RCOR3: variants seen among roughly 807,000 people sequenced by gnomAD.
RCOR3 encodes the protein REST corepressor 3.
RCOR3 carries 13 observed loss-of-function variants against 64.1 expected under a neutral mutation model. The observed-to-expected ratio is 0.20, with a 90% confidence interval of 0.13 to 0.32. RCOR3 has a LOEUF of 0.32. RCOR3 is among the 10% of genes least tolerant of loss of function. RCOR3 has a pLI of 1.00. For missense variants in RCOR3, 489 were observed against 701.2 expected (o/e 0.70, Z 3.42); for synonymous variants, 215 against 239.0 (o/e 0.90, Z 0.93).
intron 10 of RCOR3, among the ~76,000 whole-genome samples, chr1:211,309,249 C>G (rs1701254387): frequency 6.6e-6 from 1 of 152,100 alleles, no homozygotes; most frequent in Non-Finnish European, 1.5e-5. Flanking sequence ...CAGATAATGG[C>G]TATGCTAAAG....
In RCOR3 at chr1:211,314,068, T is replaced by G. The variant is rs979931340; in HGVS notation, c.*300T>G. The G allele has an allele frequency of 3.6e-6, 1 of 275,404 alleles. No homozygotes were observed. The highest frequency in any genetic ancestry group is 2.2e-5 in the African/African-American group (1 of 45,358). The allele number at this position is 275,404 out of a possible 1,614,324, so 17.1% of individuals were successfully genotyped here. On this transcript the variant is annotated 3_prime_UTR_variant, in exon 12 of 12. Transcript: ENST00000419091. ...TCTATATACCAAGTTTTTGTTTTGT[T>G]TTTACTGTATTTATTTTATTGAGGT... is the stretch of plus-strand genomic sequence containing the variant.
At chr1:211,298,864 A>G (rs1320316448) in intron 9 of RCOR3, among the ~76,000 whole-genome samples, 1 of 152,118 alleles carries the variant, frequency 6.6e-6, no homozygotes, top group African/African-American at 2.4e-5. Flanking sequence ...AAAATTAGCC[A>G]GGCGTGGTGG....
intron 9 of RCOR3, 65 bp downstream of exon 9, chr1:211,295,818 C>A: frequency 8.0e-7 from 1 of 1,255,246 alleles, no homozygotes; most frequent in Non-Finnish European, 1.2e-6. Context: ...TTATCTAGTG[C>A]CCAAGTACTA....
chr1:211,264,760 G>T (rs367598346), intron 2 of RCOR3, among the ~76,000 whole-genome samples: 1 of 152,288 alleles, frequency 6.6e-6, no homozygotes, highest in South Asian at 2.1e-4. Context: ...AATTACTGAA[G>T]TTAAGAGATT....
At chr1:211,269,186 G>A (rs1695741285) in intron 2 of RCOR3, among the ~76,000 whole-genome samples, 1 of 152,052 alleles carries the variant, frequency 6.6e-6, no homozygotes, top group South Asian at 2.1e-4. Context: ...TTTATGAGCC[G>A]GGTGCAGTGG....
chr1:211,270,548 C>CAA (rs11422589), intron 2 of RCOR3, among the ~76,000 whole-genome samples: 8,591 of 147,880 alleles, frequency 0.058, 424 homozygotes, highest in East Asian at 0.26. Context: ...AGACATGGGG[C>CAA]AAAAAAAAAA....
chr1:211,300,776 G>A (rs1412148168), intron 9 of RCOR3, among the ~76,000 whole-genome samples: 1 of 152,154 alleles, frequency 6.6e-6, no homozygotes, highest in Non-Finnish European at 1.5e-5. Context: ...CTTACACTCC[G>A]TTTATTGAAT....
At chr1:211,261,854 G>T (rs927113050) in intron 2 of RCOR3, among the ~76,000 whole-genome samples, 2 of 132,672 alleles carry the variant, frequency 1.5e-5, no homozygotes, top group African/African-American at 5.6e-5. Context: ...AACCCGGGAG[G>T]CGGAGGTTGC....
chr1:211,314,066 G>T lies in RCOR3; in HGVS notation c.*298G>T. 1 of 279,984 alleles carries T rather than the reference G, an allele frequency of 3.6e-6. No individual in the cohort carries two copies. Among genetic ancestry groups the T allele is most frequent in the South Asian group, 7.0e-5 (1 of 14,212 alleles). 17.3% of individuals were successfully genotyped at this position (279,984 alleles called of 1,614,324 possible). On this transcript the variant is annotated 3_prime_UTR_variant, in exon 12 of 12. Transcript: ENST00000419091. ...ATTCTATATACCAAGTTTTTGTTTTGTTTTTACTGTATTTATTTTATTGAG... is the reference window on the plus strand; with the variant it reads ...ATTCTATATACCAAGTTTTTGTTTTTTTTTTACTGTATTTATTTTATTGAG...
intron 2 of RCOR3, among the ~76,000 whole-genome samples, chr1:211,268,799 C>A (rs780396244): frequency 2.0e-5 from 3 of 152,078 alleles, no homozygotes. Flanking sequence ...AAAAGGCTTT[C>A]GAATACTTTG....
chr1:211,289,018 ATGTGTG>A (rs571215791), intron 7 of RCOR3, among the ~76,000 whole-genome samples, 154 bp from the exon 8 acceptor site: 1 of 151,838 alleles, frequency 6.6e-6, no homozygotes, highest in East Asian at 1.9e-4. Context: ...GGTGAGTGTT[ATGTGTG>A]TGTGTGTATG....
At chr1:211,273,614 A>G (rs914392045) in intron 3 of RCOR3, among the ~76,000 whole-genome samples, 7 of 152,196 alleles carry the variant, frequency 4.6e-5, no homozygotes, top group African/African-American at 1.4e-4. Flanking sequence ...GCTTATCTAA[A>G]TAATTCTGTT....
chr1:211,259,772 C>T, intron 1 of RCOR3, 46 bp downstream of exon 1: 1 of 1,384,344 alleles, frequency 7.2e-7, no homozygotes, highest in Non-Finnish European at 9.5e-7. Flanking sequence ...GCCCCCCTCC[C>T]TCTTCCCCTC....
intron 5 of RCOR3, among the ~76,000 whole-genome samples, chr1:211,277,302 A>G (rs944403876): frequency 6.6e-6 from 1 of 151,890 alleles, no homozygotes; most frequent in African/African-American, 2.4e-5. Context: ...ATTAGATAAT[A>G]TTTGCAAATA....
chr1:211,300,872 G>T (rs1700305156), intron 9 of RCOR3, among the ~76,000 whole-genome samples: 2 of 152,158 alleles, frequency 1.3e-5, no homozygotes, highest in Middle Eastern at 6.8e-3. Context: ...TGCCTTCTGT[G>T]TGTCTCTTTG....
At chr1:211,297,089 A>G (rs1699926275) in intron 9 of RCOR3, among the ~76,000 whole-genome samples, 1 of 152,148 alleles carries the variant, frequency 6.6e-6, no homozygotes, top group South Asian at 2.1e-4. Context: ...AAATAAAACG[A>G]AAGAATAATT....
intron 7 of RCOR3, among the ~76,000 whole-genome samples, chr1:211,287,282 A>G (rs1435633922): frequency 6.6e-6 from 1 of 151,992 alleles, no homozygotes; most frequent in Non-Finnish European, 1.5e-5. Context: ...AAAGTGATGG[A>G]GTTCCCCTTT....
intron 2 of RCOR3, among the ~76,000 whole-genome samples, chr1:211,266,318 A>G (rs915625836): frequency 2.0e-5 from 3 of 152,086 alleles, no homozygotes; most frequent in Admixed American, 6.6e-5. Context: ...CCTTATTTTT[A>G]ATGTCTAGAT....
Position 211,312,915 on chromosome 1 carries a change from G to A in RCOR3, c.1271G>A (p.Ser424Asn). The A allele has an allele frequency of 5.0e-6, 8 of 1,614,198 alleles. No homozygotes were observed. The highest frequency in any genetic ancestry group is 6.8e-6 in the Non-Finnish European group (8 of 1,180,042). The change falls in exon 11 of 12, where the codon AGT (serine) becomes AAT (asparagine). Residue 424 changes from serine (S) to asparagine (N), a missense_variant. Coordinates refer to ENST00000419091, the MANE Select transcript of RCOR3 (RefSeq NM_001136223.3). The surrounding 1 kb of genome is among the most constrained non-coding windows in gnomAD (Gnocchi z 5.0). Reference protein sequence around the residue: ...DASTLGEETKSASNVPSGKST... With the variant: ...DASTLGEETKNASNVPSGKST... ...TCTACTTTAGGGGAGGAGACAAAAA[G>A]TGCTTCTAATGTGCCATCAGGGAAG...
Sources: allele counts gnomAD v4.1 joint callset (sites outside exome capture counted in the v4.1 genomes callset), GRCh38; gene constraint gnomAD v4.1.1; non-coding constraint Gnocchi (gnomAD v3.1); transcripts MANE v1.5; gene names NCBI Gene and HGNC (gene_info 2026-07-23, HGNC 2026-07-21).